PLD5: variants seen among roughly 807,000 people sequenced by gnomAD.
PLD5 encodes the protein phospholipase D family member 5.
PLD5 carries 36 observed loss-of-function variants against 61.1 expected under a neutral mutation model. That is an observed-to-expected ratio of 0.59 (90% CI 0.45 to 0.78). PLD5 has a LOEUF of 0.78. Ranked by LOEUF, PLD5 falls within the 30% of genes least tolerant of loss-of-function variation. PLD5 has a pLI of 0.00. For missense variants in PLD5, 515 were observed against 644.4 expected (o/e 0.80, Z 2.17); for synonymous variants, 243 against 242.8 (o/e 1.00, Z -0.01).
chr1:242,157,677 A>G (rs992746763), intron 5 of PLD5, among the ~76,000 whole-genome samples: 1 of 152,150 alleles, frequency 6.6e-6, no homozygotes, highest in African/African-American at 2.4e-5. Flanking sequence ...GCAGAACAGC[A>G]AAGATTGCTG....
At chr1:242,310,184 A>C (rs1378394728) in intron 2 of PLD5, among the ~76,000 whole-genome samples, 5 of 152,258 alleles carry the variant, frequency 3.3e-5, no homozygotes, top group Non-Finnish European at 7.4e-5. Context: ...GGTGCATTGC[A>C]GGAAGTGTCT....
intron 1 of PLD5, among the ~76,000 whole-genome samples, chr1:242,440,208 T>A (rs1666207212): frequency 6.6e-6 from 1 of 152,210 alleles, no homozygotes; most frequent in African/African-American, 2.4e-5. Context: ...TTTTTTCAGA[T>A]AGATATTTCT....
intron 1 of PLD5, among the ~76,000 whole-genome samples, chr1:242,425,365 G>A (rs1177276753): frequency 2.0e-5 from 3 of 152,110 alleles, no homozygotes; most frequent in Non-Finnish European, 2.9e-5. Context: ...CAATGGTAAG[G>A]ATTTGTGTAT....
rs138035650 is a variant in PLD5, at chr1:242,377,798, T to C, written c.190-29556A>G. ...GATGTTCAACATCACTATAGAAAAA[T>C]GCAAATCAAAACCACAATTAGATAC... On this transcript the variant is annotated intron_variant, in intron 1 of 9. Coordinates refer to ENST00000536534, the MANE Select transcript of PLD5 (RefSeq NM_001372062.1). Among the ~76,000 whole-genome samples, 36 of 151,860 alleles carry C rather than the reference T, an allele frequency of 2.4e-4. No individual in the cohort carries two copies. The East Asian group carries it at 6.6e-3, about 28-fold the overall frequency.
intron 1 of PLD5, among the ~76,000 whole-genome samples, chr1:242,484,386 A>G (rs886424212): frequency 6.6e-6 from 1 of 152,112 alleles, no homozygotes; most frequent in Non-Finnish European, 1.5e-5. Flanking sequence ...TATCACCACC[A>G]ATCCCACAGA....
chr1:242,271,308 T>C (rs972144759), intron 3 of PLD5, among the ~76,000 whole-genome samples: 4 of 148,042 alleles, frequency 2.7e-5, no homozygotes, highest in African/African-American at 1.0e-4. Flanking sequence ...ATGTGGCTCA[T>C]AGGCATACAA....
chr1:242,152,174 G>A (rs1017134636), intron 5 of PLD5, among the ~76,000 whole-genome samples: 1 of 151,942 alleles, frequency 6.6e-6, no homozygotes, highest in Non-Finnish European at 1.5e-5. Flanking sequence ...TGCCGTTTCT[G>A]GGTTCTAGAG....
chr1:242,418,460 C>T lies in PLD5; in HGVS notation c.190-70218G>A, dbSNP rs1378244353. 2.6e-5 allele frequency among the ~76,000 whole-genome samples: 4 copies of T among 152,070 alleles called. No homozygotes were observed. The East Asian group carries it at 7.7e-4, about 29-fold the overall frequency. ...GTTGTCAGTGTGTACATGGTATTTA[C>T]AGGGAGGTGTTTGGGTGGGATCATC... On this transcript the variant is annotated intron_variant, in intron 1 of 9. Transcript: ENST00000536534.
At chr1:242,498,555 T>G (rs565968310) in intron 1 of PLD5, among the ~76,000 whole-genome samples, 29 of 152,382 alleles carry the variant, frequency 1.9e-4, no homozygotes, top group Non-Finnish European at 3.2e-4. Context: ...CTATTTCAAC[T>G]GCTATGTTTA....
intron 1 of PLD5, among the ~76,000 whole-genome samples, chr1:242,400,006 T>C (rs1663831075): frequency 6.6e-6 from 1 of 151,990 alleles, no homozygotes; most frequent in African/African-American, 2.4e-5. Context: ...CAGTCTCTAC[T>C]AAAAATACAA....
At chr1:242,502,724 C>A (rs1668594909) in intron 1 of PLD5, among the ~76,000 whole-genome samples, 1 of 151,978 alleles carries the variant, frequency 6.6e-6, no homozygotes, top group South Asian at 2.1e-4. Context: ...CTGACTTCTG[C>A]AAATAAATTT....
intron 9 of PLD5, among the ~76,000 whole-genome samples, chr1:242,092,651 A>G (rs1351677265): frequency 6.6e-6 from 1 of 152,088 alleles, no homozygotes; most frequent in Non-Finnish European, 1.5e-5. Context: ...CGCTGCAGAA[A>G]TCACTAAGAC....
At chr1:242,131,965 G>C (rs971701178) in intron 5 of PLD5, among the ~76,000 whole-genome samples, 1 of 150,618 alleles carries the variant, frequency 6.6e-6, no homozygotes, top group African/African-American at 2.4e-5. Flanking sequence ...CTCCCGAGTA[G>C]CTGGTACAGG....
intron 1 of PLD5, among the ~76,000 whole-genome samples, chr1:242,472,762 T>G (rs1467520526): frequency 1.3e-5 from 2 of 152,240 alleles, no homozygotes; most frequent in African/African-American, 4.8e-5. Flanking sequence ...ATCTAAAATA[T>G]TTTCTTTTTC....
At chr1:242,331,867 G>A (rs185854303) in intron 2 of PLD5, among the ~76,000 whole-genome samples, 47 of 152,206 alleles carry the variant, frequency 3.1e-4, no homozygotes, top group East Asian at 9.7e-4. Context: ...AAACTAGGGC[G>A]GCAAAGTCCC....
chr1:242,233,761 T>G (rs1671462307), intron 4 of PLD5, among the ~76,000 whole-genome samples: 1 of 152,130 alleles, frequency 6.6e-6, no homozygotes, highest in African/African-American at 2.4e-5. Context: ...AATGAGTGAA[T>G]GAATCAATGT....
rs74150867 is a variant in PLD5 at position 242,227,044 on chromosome 1, G to T, written c.608-6929C>A. 8.9e-3 allele frequency among the ~76,000 whole-genome samples: 1,352 copies of T among 152,220 alleles called. 20 individuals carry two copies. Among genetic ancestry groups the T allele is most frequent in the African/African-American group, 0.031 (1,293 of 41,526 alleles). Reference sequence around the variant, plus strand: ...TGTATGTACACACATTTTAAAAGGAGTATATTCTTGAGAGCCTTCCTCTAC... The same window carrying T: ...TGTATGTACACACATTTTAAAAGGATTATATTCTTGAGAGCCTTCCTCTAC... On this transcript the variant is annotated intron_variant, in intron 4 of 9. Coordinates refer to ENST00000536534, the MANE Select transcript of PLD5 (RefSeq NM_001372062.1).
intron 5 of PLD5, among the ~76,000 whole-genome samples, chr1:242,179,538 T>C (rs1286057309): frequency 1.3e-5 from 2 of 152,178 alleles, no homozygotes; most frequent in Non-Finnish European, 2.9e-5. Flanking sequence ...CTTCTTTGGA[T>C]TTATCTGAGC....
chr1:242,456,657 T>G (rs1012840185), intron 1 of PLD5, among the ~76,000 whole-genome samples: 3 of 152,198 alleles, frequency 2.0e-5, no homozygotes, highest in Non-Finnish European at 4.4e-5. Context: ...GACTGCAAAC[T>G]GGCCACCTGA....
Sources: gnomAD v4.1 joint callset for allele counts (sites outside exome capture counted in the v4.1 genomes callset) on GRCh38, gnomAD v4.1.1 for gene constraint, MANE v1.5 for transcripts, NCBI Gene and HGNC (gene_info 2026-07-23, HGNC 2026-07-21) for gene names.